ITPK1: variants seen among roughly 807,000 people sequenced by gnomAD.
The protein encoded by ITPK1 is inositol 1,3,4-trisphosphate 5/6-kinase.
Under a neutral mutation model 45.3 loss-of-function variants are expected in ITPK1, and 21 were observed. The ratio of observed to expected loss-of-function variants is 0.46; its 90% CI spans 0.33 to 0.67. ITPK1 has a LOEUF of 0.67. Among genes scored for constraint, ITPK1 ranks in the 30% least tolerant of loss-of-function variants. ITPK1 has a pLI of 0.02. For missense variants in ITPK1, 474 were observed against 573.5 expected, an observed-to-expected ratio of 0.83 and a Z score of 1.77; for synonymous variants, 258 against 253.6, an observed-to-expected ratio of 1.02 and a Z score of -0.16.
At chr14:93,101,303 A>G (rs548085149) in intron 2 of ITPK1, among the ~76,000 whole-genome samples, 1 of 152,322 alleles carries the variant, frequency 6.6e-6, no homozygotes, top group East Asian at 1.9e-4. Flanking sequence ...AAAGGTTTTC[A>G]AAAGTTACTC....
At chr14:93,039,661 C>A (rs929013927) in intron 3 of ITPK1, among the ~76,000 whole-genome samples, 6 of 152,176 alleles carry the variant, frequency 3.9e-5, no homozygotes, top group Non-Finnish European at 7.3e-5. Flanking sequence ...AATGGGGGAC[C>A]AGGACGCACC....
Position 93,034,752 on chromosome 14 carries a change from A to G in ITPK1, c.121-17951T>C, listed in dbSNP as rs1889242860. Among the ~76,000 whole-genome samples, 1 of 152,226 alleles carries G rather than the reference A, an allele frequency of 6.6e-6. No individual in the cohort carries two copies. The highest frequency in any genetic ancestry group is 1.5e-5 in the Non-Finnish European group (1 of 68,026). On this transcript the variant is annotated intron_variant, in intron 3 of 10. Coordinates refer to ENST00000267615, the MANE Select transcript of ITPK1 (RefSeq NM_014216.6). This position sits in a 1 kb window ranked among gnomAD's most constrained non-coding sequence, Gnocchi z 4.1. Reference sequence around the variant, plus strand: ...GGGAGGGTGAAGAAGCCAGTTTAGCAGCGGAGAAGGCTGGCATGGCCCCAG... The same window carrying G: ...GGGAGGGTGAAGAAGCCAGTTTAGCGGCGGAGAAGGCTGGCATGGCCCCAG...
chr14:92,950,466 G>A (rs554033522), intron 9 of ITPK1, among the ~76,000 whole-genome samples: 38 of 152,378 alleles, frequency 2.5e-4, no homozygotes, highest in African/African-American at 7.5e-4. Flanking sequence ...GTCAGTCCTG[G>A]CAGATTCCTG....
Position 93,034,301 on chromosome 14 carries a change from C to T in ITPK1, c.121-17500G>A, listed in dbSNP as rs769981813. Among the ~76,000 whole-genome samples the T allele has an allele frequency of 6.9e-5, 10 of 144,928 alleles. No homozygotes were observed. The highest frequency in any genetic ancestry group is 2.5e-4 in the South Asian group (1 of 4,054). On this transcript the variant is annotated intron_variant, in intron 3 of 10. Transcript: ENST00000267615. The surrounding 1 kb of genome is among the most constrained non-coding windows in gnomAD (Gnocchi z 4.1). ...CACCCCCTGTCGGAGCAGGAAGATG[C>T]TCTGGAAAACCTACCCTGACCAGAG...
chr14:93,031,381 G>A (rs1313824689), intron 3 of ITPK1, among the ~76,000 whole-genome samples: 1 of 152,234 alleles, frequency 6.6e-6, no homozygotes, highest in Non-Finnish European at 1.5e-5. Flanking sequence ...CCTTTGGAGA[G>A]ACCGCTGTGG....
intron 10 of ITPK1, among the ~76,000 whole-genome samples, chr14:92,943,265 C>T (rs1046790080): frequency 1.3e-5 from 2 of 152,244 alleles, no homozygotes; most frequent in African/African-American, 4.8e-5. Flanking sequence ...ATGGCGTTCA[C>T]AGCACTCGGG....
chr14:92,940,307 C>G lies in ITPK1; in HGVS notation c.*1254G>C, dbSNP rs546916178. 1 of 990,894 alleles carries G rather than the reference C, an allele frequency of 1.0e-6. No individual in the cohort carries two copies. The highest frequency in any genetic ancestry group is 5.8e-5 in the Admixed American group (1 of 17,134). The allele number at this position is 990,894 out of a possible 1,614,324, so 61.4% of individuals were successfully genotyped here. ...GGGGGCTGATGCCTCTCACCCAGCA[C>G]CCCACATCTTCCAGGACTGCAGAGG... On this transcript the variant is annotated 3_prime_UTR_variant, in exon 11 of 11. Transcript: ENST00000267615.
At chr14:93,003,799 A>G (rs1171375167) in intron 4 of ITPK1, among the ~76,000 whole-genome samples, 1 of 152,206 alleles carries the variant, frequency 6.6e-6, no homozygotes, top group Admixed American at 6.5e-5. Context: ...GTCCTGGGGC[A>G]CTGTGCAAGT....
At chr14:93,097,194 G>C (rs1002420252) in intron 2 of ITPK1, among the ~76,000 whole-genome samples, 4 of 152,212 alleles carry the variant, frequency 2.6e-5, no homozygotes, top group Non-Finnish European at 5.9e-5. Context: ...TGTTCCCAGG[G>C]CTTGACCCTC....
intron 8 of ITPK1, among the ~76,000 whole-genome samples, chr14:92,952,901 C>T (rs1888025215): frequency 2.6e-5 from 4 of 152,262 alleles, no homozygotes; most frequent in Admixed American, 6.5e-5. Flanking sequence ...AGCCTCAGGC[C>T]GAGTTCTGGA....
intron 5 of ITPK1, among the ~76,000 whole-genome samples, chr14:92,985,944 C>T (rs2139792398): frequency 1.3e-5 from 2 of 152,324 alleles, no homozygotes; most frequent in African/African-American, 4.8e-5. Flanking sequence ...AGTTAAATAA[C>T]CTGCCTAAAT....
intron 9 of ITPK1, among the ~76,000 whole-genome samples, chr14:92,951,661 T>C (rs1047434583): frequency 3.3e-5 from 5 of 152,090 alleles, no homozygotes; most frequent in African/African-American, 1.2e-4. Flanking sequence ...CAGCACACCT[T>C]CTGTGTGGGC....
At chr14:93,100,560 G>C (rs143390842) in intron 2 of ITPK1, among the ~76,000 whole-genome samples, 3 of 145,022 alleles carry the variant, frequency 2.1e-5, no homozygotes, top group African/African-American at 7.4e-5. Flanking sequence ...GAGAGAGACA[G>C]AGAGAGAGAG....
At chr14:93,048,046 T>A (rs1042084322) in intron 3 of ITPK1, among the ~76,000 whole-genome samples, 8 of 152,222 alleles carry the variant, frequency 5.3e-5, no homozygotes, top group African/African-American at 1.9e-4. Flanking sequence ...TATTGACATT[T>A]CCTTAAGATT....
rs534087381 is a variant in ITPK1, at chr14:93,075,879, G to A, written c.120+716C>T. ...ACAGACCACAGTCACCCTCCACGGG[G>A]ACAGCGTGGGGAACAGAGGACATGG... On this transcript the variant is annotated intron_variant, in intron 3 of 10. Coordinates refer to ENST00000267615, the MANE Select transcript of ITPK1 (RefSeq NM_014216.6). Among the ~76,000 whole-genome samples the A allele has an allele frequency of 9.5e-4, 144 of 152,324 alleles. 2 individuals are homozygous for A. Among genetic ancestry groups the A allele is most frequent in the African/African-American group, 3.2e-3 (133 of 41,564 alleles).
intron 2 of ITPK1, among the ~76,000 whole-genome samples, chr14:93,078,938 C>T (rs909550939): frequency 2.0e-5 from 3 of 152,096 alleles, no homozygotes; most frequent in African/African-American, 2.4e-5. Context: ...GACTGTGAAC[C>T]GCACAATGGG....
At chr14:93,109,072 C>T (rs1892637806) in intron 2 of ITPK1, among the ~76,000 whole-genome samples, 1 of 152,172 alleles carries the variant, frequency 6.6e-6, no homozygotes, top group African/African-American at 2.4e-5. Context: ...CCCAGCCCTC[C>T]TCATCTAGCA....
chr14:93,065,641 C>T (rs1012013818), intron 3 of ITPK1, among the ~76,000 whole-genome samples: 6 of 152,222 alleles, frequency 3.9e-5, no homozygotes, highest in South Asian at 4.1e-4. Context: ...CCATTCTCCC[C>T]TTCTTCTTTA....
chr14:93,013,227 G>A (rs1428713251), intron 4 of ITPK1, among the ~76,000 whole-genome samples: 1 of 152,160 alleles, frequency 6.6e-6, no homozygotes, highest in Non-Finnish European at 1.5e-5. Context: ...AAAAACAACT[G>A]AATCATCCCA....
Sources: allele counts gnomAD v4.1 joint callset (sites outside exome capture counted in the v4.1 genomes callset), GRCh38; gene constraint gnomAD v4.1.1; non-coding constraint Gnocchi (gnomAD v3.1); transcripts MANE v1.5; gene names NCBI Gene and HGNC (gene_info 2026-07-23, HGNC 2026-07-21).